The following TLN2 variants were observed in gnomAD, a reference collection of about 807,000 sequenced individuals.
TLN2 encodes the protein talin-2.
A neutral mutation model predicts 294.7 loss-of-function variants in TLN2; 118 were observed. That is an observed-to-expected ratio of 0.40 (90% CI 0.34 to 0.47). The LOEUF (loss-of-function observed/expected upper bound fraction) is 0.47, where lower values mean the gene tolerates loss of function less well. TLN2 is among the 20% of genes least tolerant of loss of function. TLN2 has a pLI of 0.84. For synonymous variants in TLN2, 1,431 were observed against 1,304.5 expected (o/e 1.10, Z -2.09); for missense variants, 3,083 against 3,282.2 (o/e 0.94, Z 1.48).
chr15:62,825,745 T>A lies in TLN2; in HGVS notation c.7002+5135T>A. Among the ~76,000 whole-genome samples, 3 of 105,478 alleles carry A rather than the reference T, an allele frequency of 2.8e-5. 1 individual carries two copies. Among genetic ancestry groups the A allele is most frequent in the African/African-American group, 1.5e-4 (3 of 20,530 alleles). The allele number at this position is 105,478 out of a possible 152,430, so 69.2% of individuals were successfully genotyped here. On this transcript the variant is annotated intron_variant, in intron 54 of 58. Coordinates refer to ENST00000636159, the MANE Select transcript of TLN2 (RefSeq NM_015059.3). ...ATATATAAAAATATATTTTTATATA[T>A]ATTAAATATAATTATAATTATATAT...
At chr15:62,571,251 A>T (rs968054435) in intron 1 of TLN2, among the ~76,000 whole-genome samples, 3 of 152,216 alleles carry the variant, frequency 2.0e-5, no homozygotes, top group African/African-American at 7.2e-5. Flanking sequence ...AAAGCATGAC[A>T]GGAGTCTATT....
At chr15:62,606,268 T>C (rs535757913) in intron 2 of TLN2, among the ~76,000 whole-genome samples, 93 of 147,418 alleles carry the variant, frequency 6.3e-4, no homozygotes, top group African/African-American at 2.1e-3. Flanking sequence ...TTTTTTGTAT[T>C]TTTAGTAGAG....
rs545363043 is a variant in TLN2 at position 62,478,240 on chromosome 15, C to T, written c.-238+87555C>T. On this transcript the variant is annotated intron_variant, in intron 1 of 58. Transcript: ENST00000636159. ...CAGGATCCAGCCTGGACTATCAGAC[C>T]TCATGTGGAGTTCCTTCTCTTGCTT... 1.1e-4 allele frequency among the ~76,000 whole-genome samples: 17 copies of T among 152,248 alleles called. No individual in the cohort carries two copies. The South Asian group carries it at 3.3e-3, about 30-fold the overall frequency.
In TLN2 at chr15:62,809,907, A is replaced by C; in HGVS notation, c.6664-18A>C. 6.2e-7 allele frequency: 1 copy of C among 1,612,372 alleles called. No homozygotes were observed. The highest frequency in any genetic ancestry group is 8.5e-7 in the Non-Finnish European group (1 of 1,178,676). On this transcript the variant is annotated intron_variant, in intron 51 of 58. Coordinates refer to ENST00000636159, the MANE Select transcript of TLN2 (RefSeq NM_015059.3). ...GCTTTTCCCATGTTAAGATTTCAGC[A>C]TTCCTTTCTCTCTCCAGCAAGCATC...
chr15:62,576,674 C>CA, intron 1 of TLN2, among the ~76,000 whole-genome samples: 1 of 141,266 alleles, frequency 7.1e-6, no homozygotes, highest in Non-Finnish European at 1.5e-5. Context: ...CCCCCCGCCC[C>CA]CCACATAAAA....
chr15:62,569,697 G>A (rs947157255), intron 1 of TLN2, among the ~76,000 whole-genome samples: 1 of 152,238 alleles, frequency 6.6e-6, no homozygotes, highest in Non-Finnish European at 1.5e-5. Flanking sequence ...GGGAATGGCT[G>A]TGGAAAACAG....
intron 2 of TLN2, among the ~76,000 whole-genome samples, chr15:62,615,352 A>G (rs889707656): frequency 2.6e-5 from 4 of 152,214 alleles, no homozygotes; most frequent in African/African-American, 7.2e-5. Context: ...TAAATATGCA[A>G]TTGTACAATA....
At chr15:62,824,434 CAG>C (rs1468104538) in intron 54 of TLN2, among the ~76,000 whole-genome samples, 1 of 152,176 alleles carries the variant, frequency 6.6e-6, no homozygotes, top group Non-Finnish European at 1.5e-5. Context: ...AAGTTCATGT[CAG>C]GGTTTCAGCA....
chr15:62,545,295 G>A (rs897477776), intron 1 of TLN2, among the ~76,000 whole-genome samples: 1 of 152,156 alleles, frequency 6.6e-6, no homozygotes, highest in South Asian at 2.1e-4. Context: ...GTGAAGAACA[G>A]TACATTTCTT....
At chr15:62,816,539 C>T (rs1034991712) in intron 52 of TLN2, among the ~76,000 whole-genome samples, 2 of 152,218 alleles carry the variant, frequency 1.3e-5, no homozygotes, top group African/African-American at 4.8e-5. Context: ...TGTTCCCTGT[C>T]TGAGGGCTGT....
chr15:62,829,118 TTC>T (rs1195094706), intron 54 of TLN2: 1 of 148,240 alleles, frequency 6.7e-6, no homozygotes, highest in African/African-American at 2.5e-5. Flanking sequence ...TAAAATTTTT[TTC>T]TGTTTGGTTT....
Position 62,742,631 on chromosome 15 carries a change from A to G in TLN2, c.4025+1862A>G, listed in dbSNP as rs140021770. On this transcript the variant is annotated intron_variant, in intron 32 of 58. Transcript: ENST00000636159. ...GAAGAAAGGACATGGGGAAAAGGGG[A>G]AAAAAAAAAGCTTTCGTTGCCTTTC... 1.1e-4 allele frequency among the ~76,000 whole-genome samples: 16 copies of G among 148,160 alleles called. No individual in the cohort carries two copies. In the East Asian group the frequency reaches 2.4e-3, roughly 22 times the overall value.
At chr15:62,675,072 G>A in intron 10 of TLN2, 145 bp from the exon 11 acceptor site, 1 of 701,456 alleles carries the variant, frequency 1.4e-6, no homozygotes, top group Non-Finnish European at 2.4e-6. Flanking sequence ...GCAGTTGCCT[G>A]TGTCATGGAG....
intron 44 of TLN2, among the ~76,000 whole-genome samples, chr15:62,783,495 C>T (rs964269673): frequency 4.6e-5 from 7 of 152,242 alleles, no homozygotes; most frequent in Admixed American, 2.0e-4. Context: ...ACAGCCCGAA[C>T]GCTGAGCATG....
At chr15:62,822,956 A>G (rs1377457672) in intron 54 of TLN2, among the ~76,000 whole-genome samples, 2 of 152,240 alleles carry the variant, frequency 1.3e-5, no homozygotes, top group Non-Finnish European at 2.9e-5. Context: ...CAGCACCTTA[A>G]AAATTAATGA....
At chr15:62,546,617 C>G (rs903013814) in intron 1 of TLN2, among the ~76,000 whole-genome samples, 3 of 152,122 alleles carry the variant, frequency 2.0e-5, no homozygotes, top group Non-Finnish European at 4.4e-5. Context: ...GCATAGAGAG[C>G]CCCTCTTAGC....
At chr15:62,771,958 C>G (rs573642015) in intron 42 of TLN2, among the ~76,000 whole-genome samples, 4 of 152,254 alleles carry the variant, frequency 2.6e-5, no homozygotes, top group African/African-American at 9.6e-5. Flanking sequence ...CATGGACTTT[C>G]CTTTTCTTTT....
At chr15:62,537,695 A>G (rs1255055068) in intron 1 of TLN2, among the ~76,000 whole-genome samples, 1 of 152,160 alleles carries the variant, frequency 6.6e-6, no homozygotes, top group African/African-American at 2.4e-5. Context: ...AGGTGGAATG[A>G]TGGATGAGAA....
intron 1 of TLN2, among the ~76,000 whole-genome samples, chr15:62,536,713 G>A (rs1361126901): frequency 6.6e-6 from 1 of 152,162 alleles, no homozygotes; most frequent in African/African-American, 2.4e-5. Flanking sequence ...AAAGTCAGCA[G>A]GATGCTTTCC....
Sources: gnomAD v4.1 joint callset for allele counts (sites outside exome capture counted in the v4.1 genomes callset) on GRCh38, gnomAD v4.1.1 for gene constraint, MANE v1.5 for transcripts, NCBI Gene and HGNC (gene_info 2026-07-23, HGNC 2026-07-21) for gene names.